EXOSC7: variants seen among roughly 807,000 people sequenced by gnomAD.
The protein encoded by EXOSC7 is exosome component 7.
EXOSC7 carries 25 observed loss-of-function variants against 34.3 expected under a neutral mutation model. The observed-to-expected ratio is 0.73, with a 90% confidence interval of 0.53 to 1.02. EXOSC7 has a LOEUF of 1.02. EXOSC7 is among the 50% of genes least tolerant of loss of function. EXOSC7 has a pLI of 0.00. For synonymous variants in EXOSC7, 130 were observed against 143.0 expected, an observed-to-expected ratio of 0.91 and a Z score of 0.65; for missense variants, 370 against 368.5, an observed-to-expected ratio of 1.00 and a Z score of -0.03.
chr3:45,005,519 C>A, intron 6 of EXOSC7, 105 bp downstream of exon 6: 1 of 1,168,016 alleles, frequency 8.6e-7, no homozygotes, highest in Admixed American at 2.0e-5. Context: ...TAATACCACA[C>A]ACCATATAGA....
chr3:45,006,068 C>CTT (rs34869939), intron 6 of EXOSC7, among the ~76,000 whole-genome samples: 1,576 of 47,286 alleles, frequency 0.033, 504 homozygotes, highest in East Asian at 0.12. Context: ...TGGGTCTTGG[C>CTT]TTTTTTTTTT....
intron 4 of EXOSC7, 93 bp from the exon 5 acceptor site, chr3:45,001,442 CAAA>C (rs879013353): frequency 5.5e-5 from 41 of 745,086 alleles, no homozygotes; most frequent in Non-Finnish European, 6.1e-5. Context: ...GACTCTGTCT[CAAA>C]AAAAAAAAAG....
At chr3:44,992,183 A>G (rs555590632) in intron 3 of EXOSC7, among the ~76,000 whole-genome samples, 4 of 152,348 alleles carry the variant, frequency 2.6e-5, no homozygotes, top group African/African-American at 7.2e-5. Context: ...GACTCCAGGC[A>G]TAGGGCCTCT....
intron 3 of EXOSC7, among the ~76,000 whole-genome samples, chr3:44,994,856 G>GGTGTGTGTGTGTGTGTGTGT (rs34579096): frequency 7.4e-6 from 1 of 134,864 alleles, no homozygotes; most frequent in African/African-American, 2.8e-5. Context: ...TGGAAGAATG[G>GGTGTGTGTGTGTGTGTGTGT]GTGTGTGTGT....
intron 3 of EXOSC7, among the ~76,000 whole-genome samples, chr3:44,993,580 G>A (rs1293551335): frequency 6.6e-6 from 1 of 151,984 alleles, no homozygotes; most frequent in Admixed American, 6.6e-5. Flanking sequence ...AGTCAGAAGG[G>A]GTGGAGAGCT....
chr3:44,990,084 T>A (rs999082334), intron 3 of EXOSC7, among the ~76,000 whole-genome samples: 13 of 152,214 alleles, frequency 8.5e-5, no homozygotes, highest in Non-Finnish European at 1.9e-4. Flanking sequence ...CCTGACAGGC[T>A]GAGGAAGTGG....
At chr3:44,977,203 G>A (rs1406452747) in intron 1 of EXOSC7, 1 of 152,436 alleles carries the variant, frequency 6.6e-6, no homozygotes, top group East Asian at 1.9e-4. Context: ...CTGGTAACGA[G>A]CTACCCTGTA....
intron 1 of EXOSC7, 69 bp downstream of exon 1, chr3:44,976,403 G>T: frequency 7.1e-7 from 1 of 1,408,894 alleles, no homozygotes; most frequent in South Asian, 1.3e-5. Context: ...GGCCTGCCCT[G>T]GGTTTGCCAG....
At chr3:44,983,539 C>T (rs958012950) in intron 1 of EXOSC7, among the ~76,000 whole-genome samples, 2 of 152,162 alleles carry the variant, frequency 1.3e-5, no homozygotes. Context: ...ACACCACACC[C>T]TACTGGTAGG....
At chr3:44,981,039 T>C (rs1309674164) in intron 1 of EXOSC7, among the ~76,000 whole-genome samples, 1 of 152,246 alleles carries the variant, frequency 6.6e-6, no homozygotes, top group African/African-American at 2.4e-5. Flanking sequence ...CCAGGGATTC[T>C]GAAGCCTTGA....
intron 1 of EXOSC7, among the ~76,000 whole-genome samples, chr3:44,982,907 A>T (rs903352099): frequency 6.6e-6 from 1 of 152,222 alleles, no homozygotes; most frequent in Non-Finnish European, 1.5e-5. Context: ...CTGCTGTGTG[A>T]TGGGCCCGAG....
At chr3:44,983,328 T>C (rs1706323065) in intron 1 of EXOSC7, among the ~76,000 whole-genome samples, 1 of 152,128 alleles carries the variant, frequency 6.6e-6, no homozygotes, top group Non-Finnish European at 1.5e-5. Flanking sequence ...GGGAACTGCT[T>C]TGGGGGGACT....
At chr3:44,984,653 G>T (rs1476512956) in intron 1 of EXOSC7, among the ~76,000 whole-genome samples, 1 of 152,158 alleles carries the variant, frequency 6.6e-6, no homozygotes, top group African/African-American at 2.4e-5. Flanking sequence ...CTTACTGGCT[G>T]TCTGAACTTG....
At chr3:44,977,538 G>A (rs1305588519) in intron 1 of EXOSC7, 1 of 152,240 alleles carries the variant, frequency 6.6e-6, no homozygotes. Context: ...AGAACTCACA[G>A]TTGCATATTT....
At chr3:44,979,909 T>C (rs1016858170) in intron 1 of EXOSC7, among the ~76,000 whole-genome samples, 3 of 152,066 alleles carry the variant, frequency 2.0e-5, no homozygotes, top group African/African-American at 7.2e-5. Context: ...TTCAGGTAGT[T>C]CAGGAGACTT....
intron 3 of EXOSC7, among the ~76,000 whole-genome samples, chr3:44,996,607 T>G (rs758763891): frequency 2.6e-5 from 4 of 152,194 alleles, no homozygotes; most frequent in Non-Finnish European, 5.9e-5. Flanking sequence ...GTACTTACAT[T>G]GTGGTTTTTA....
intron 7 of EXOSC7, among the ~76,000 whole-genome samples, chr3:45,008,499 G>T (rs1362953329): frequency 6.6e-6 from 1 of 152,186 alleles, no homozygotes; most frequent in African/African-American, 2.4e-5. Context: ...CCCAACCATG[G>T]GCTGTGAGGG....
intron 2 of EXOSC7, 123 bp downstream of exon 2, chr3:44,989,364 C>T: frequency 1.1e-6 from 1 of 884,256 alleles, no homozygotes. Context: ...AGATCCGAGC[C>T]AAACTCAGGG....
intron 1 of EXOSC7, among the ~76,000 whole-genome samples, chr3:44,979,248 T>G (rs1706210236): frequency 6.6e-6 from 1 of 152,188 alleles, no homozygotes; most frequent in African/African-American, 2.4e-5. Flanking sequence ...TCCTAAACTT[T>G]TGTTGCGTTG....
Sources: allele counts gnomAD v4.1 joint callset (sites outside exome capture counted in the v4.1 genomes callset), GRCh38; gene constraint gnomAD v4.1.1; transcripts MANE v1.5; gene names NCBI Gene and HGNC (gene_info 2026-07-23, HGNC 2026-07-21).